The following MRPL9 variants were observed in gnomAD, a reference collection of about 807,000 sequenced individuals.
MRPL9 encodes mitochondrial ribosomal protein L9, also known as large ribosomal subunit protein bL9m.
Under a neutral mutation model 27.6 loss-of-function variants are expected in MRPL9, and 25 were observed. The ratio of observed to expected loss-of-function variants is 0.91; its 90% CI spans 0.66 to 1.27. The LOEUF is 1.27. Ranked by LOEUF, MRPL9 falls within the 50% of genes most tolerant of loss-of-function variation. MRPL9 has a pLI of 0.00. For missense variants in MRPL9, 362 were observed against 338.0 expected, an observed-to-expected ratio of 1.07 and a Z score of -0.56; for synonymous variants, 154 against 139.0, an observed-to-expected ratio of 1.11 and a Z score of -0.76.
In MRPL9 at chr1:151,760,921, A is replaced by AAAAAAAAT. The variant is rs1553276958; in HGVS notation, c.589-23_589-22insATTTTTTT. The AAAAAAAAT allele has an allele frequency of 1.3e-3, 2,045 of 1,540,050 alleles. 35 individuals are homozygous for AAAAAAAAT. In the African/African-American group the frequency reaches 0.028, roughly 21 times the overall value. On this transcript the variant is annotated intron_variant, in intron 5 of 6. Transcript: ENST00000368830. ...CAAGCTGCAAAAAAAAAAAAAAAAAAAAAAATCTCAGCTCAAATGAACTCT... is the reference window on the plus strand; with the variant it reads ...CAAGCTGCAAAAAAAAAAAAAAAAAAAAAAAAATAAAAATCTCAGCTCAAATGAACTCT...
In MRPL9 at chr1:151,763,151, C is replaced by A. The variant is rs556425084; in HGVS notation, c.154-5G>T. 3.1e-6 allele frequency: 5 copies of A among 1,611,900 alleles called. No homozygotes were observed. Among genetic ancestry groups the A allele is most frequent in the Admixed American group, 3.3e-5 (2 of 59,888 alleles). On this transcript the variant is annotated splice_region_variant and splice_polypyrimidine_tract_variant and intron_variant, in intron 1 of 6. Transcript: ENST00000368830. ...GCGCTCCACGATGACCGTGCCCTGG[C>A]GGCCAGGAAAGCGACGGTAAGCTAG...
chr1:151,761,975 C>T, intron 4 of MRPL9, 130 bp downstream of exon 4: 1 of 885,546 alleles, frequency 1.1e-6, no homozygotes. Flanking sequence ...TTTTGTGGGG[C>T]AGCCACAACA....
In MRPL9 at chr1:151,760,118, TG is replaced by T; in HGVS notation, c.735del (p.Arg247AspfsTer6). ...TGGGCTAACCAGTACTTATATCTTTTGGTCTTGGGCTTCTCAAAGTTCACGA... is the reference window on the plus strand; with the variant it reads ...TGGGCTAACCAGTACTTATATCTTTTGTCTTGGGCTTCTCAAAGTTCACGA... Reference protein sequence around the residue: ...MSVVNFEKPKTKRYKYWLAQQ... With the variant: ...MSVVNFEKPKXKRYKYWLAQQ... On this transcript the variant is annotated frameshift_variant, in exon 7 of 7. Coordinates refer to ENST00000368830, the MANE Select transcript of MRPL9 (RefSeq NM_031420.4). LOFTEE classifies it low-confidence loss of function (END_TRUNC). The T allele has an allele frequency of 6.2e-7, 1 of 1,614,202 alleles. No homozygotes were observed. Among genetic ancestry groups the T allele is most frequent in the Admixed American group, 1.7e-5 (1 of 60,024 alleles).
In MRPL9 at chr1:151,762,129, C is replaced by A. The variant is rs779948808; in HGVS notation, c.462G>T (p.Lys154Asn). 3.7e-6 allele frequency: 6 copies of A among 1,614,176 alleles called. No individual in the cohort carries two copies. Among genetic ancestry groups the A allele is most frequent in the African/African-American group, 2.7e-5 (2 of 75,038 alleles). The change falls in exon 4 of 7, where the codon AAG becomes AAT. Residue 154 changes from lysine to asparagine, a missense_variant. Coordinates refer to ENST00000368830, the MANE Select transcript of MRPL9 (RefSeq NM_031420.4). ...KLLRQEGKLEKIQTKAGEATV... is the reference protein window; with the variant it reads ...KLLRQEGKLENIQTKAGEATV... Reference sequence around the variant, plus strand: ...CCGCCTCACCTGCCTTGGTCTGGATCTTCTCTAATTTTCCTTCTTGTCTCA... The same window carrying A: ...CCGCCTCACCTGCCTTGGTCTGGATATTCTCTAATTTTCCTTCTTGTCTCA...
At chr1:151,760,921 A>AAAAAAAAAAAAAAAAAAAT in intron 5 of MRPL9, 22 bp from the exon 6 acceptor site, 1 of 1,540,778 alleles carries the variant, frequency 6.5e-7, no homozygotes, top group African/African-American at 1.5e-5. Context: ...AAAAAAAAAA[A>AAAAAAAAAAAAAAAAAAAT]AAAAATCTCA....
intron 1 of MRPL9, 31 bp from the exon 2 acceptor site, chr1:151,763,177 T>C (rs1384738373): frequency 1.9e-6 from 3 of 1,608,524 alleles, no homozygotes; most frequent in Admixed American, 3.4e-5. Flanking sequence ...GGTAAGCTAG[T>C]CTCCACAAGG....
At position 151,760,150 on chromosome 1, in the gene MRPL9, A is replaced by T; in HGVS notation, c.704T>A (p.Met235Lys). 6.2e-7 allele frequency: 1 copy of T among 1,614,186 alleles called. No homozygotes were observed. Among genetic ancestry groups the T allele is most frequent in the Non-Finnish European group, 8.5e-7 (1 of 1,180,018 alleles). The change falls in exon 7 of 7, where the codon ATG (methionine) becomes AAG (lysine). Residue 235 changes from methionine (M) to lysine (K), a missense_variant. Coordinates refer to ENST00000368830, the MANE Select transcript of MRPL9 (RefSeq NM_031420.4). ...VNGLDTVRVP[M>K]SVVNFEKPKT... ...GGGCTTCTCAAAGTTCACGACAGACATAGGCACTCTCACAGTATCAAGCCC... is the reference window on the plus strand; with the variant it reads ...GGGCTTCTCAAAGTTCACGACAGACTTAGGCACTCTCACAGTATCAAGCCC...
Position 151,760,916 on chromosome 1 carries a change from A to ATAAAAT in MRPL9, c.589-18_589-17insATTTTA, listed in dbSNP as rs1553276940. On this transcript the variant is annotated splice_polypyrimidine_tract_variant and intron_variant, in intron 5 of 6. Coordinates refer to ENST00000368830, the MANE Select transcript of MRPL9 (RefSeq NM_031420.4). ...AACACCAAGCTGCAAAAAAAAAAAA[A>ATAAAAT]AAAAAAAAAATCTCAGCTCAAATGA... 6 of 1,551,204 alleles carry ATAAAAT rather than the reference A, an allele frequency of 3.9e-6. No individual in the cohort carries two copies. The African/African-American group carries it at 8.6e-5, about 22-fold the overall frequency.
Position 151,762,221 on chromosome 1 carries a change from A to G in MRPL9, c.436-66T>C, listed in dbSNP as rs928660655. Reference sequence around the variant, plus strand: ...ATGAGCCCATGTTAAATAGCATCAAACTATTCCTATGTTGGACATTGGCTG... The same window carrying G: ...ATGAGCCCATGTTAAATAGCATCAAGCTATTCCTATGTTGGACATTGGCTG... On this transcript the variant is annotated intron_variant, in intron 3 of 6. Coordinates refer to ENST00000368830, the MANE Select transcript of MRPL9 (RefSeq NM_031420.4). The G allele has an allele frequency of 1.5e-5, 24 of 1,578,542 alleles. No homozygotes were observed. The African/African-American group carries it at 3.1e-4, about 20-fold the overall frequency.
At position 151,759,846 on chromosome 1, in the gene MRPL9, G is replaced by T. The variant is rs1316711576; in HGVS notation, c.*204C>A. The T allele has an allele frequency of 3.3e-6, 2 of 601,786 alleles. No individual in the cohort carries two copies. Among genetic ancestry groups the T allele is most frequent in the Non-Finnish European group, 5.3e-6 (2 of 377,156 alleles). The allele number at this position is 601,786 out of a possible 1,614,324, so 37.3% of individuals were successfully genotyped here. ...ATCAAATCTACAGCCTGGTACTTCT[G>T]GAACAGGACTTCCCTGCCCCAGTGA... On this transcript the variant is annotated 3_prime_UTR_variant, in exon 7 of 7. Transcript: ENST00000368830.
Position 151,759,825 on chromosome 1 carries a change from A to G in MRPL9, c.*225T>C. 1 of 515,916 alleles carries G rather than the reference A, an allele frequency of 1.9e-6. No homozygotes were observed. The allele number at this position is 515,916 out of a possible 1,614,324, so 32.0% of individuals were successfully genotyped here. A position where few individuals can be genotyped will look rare whatever the true frequency, so the allele number is the denominator to read the frequency against. On this transcript the variant is annotated 3_prime_UTR_variant, in exon 7 of 7. Coordinates refer to ENST00000368830, the MANE Select transcript of MRPL9 (RefSeq NM_031420.4). Reference sequence around the variant, plus strand: ...TCGGTCTACTGCATCTAGCTTATCAAATCTACAGCCTGGTACTTCTGGAAC... The same window carrying G: ...TCGGTCTACTGCATCTAGCTTATCAGATCTACAGCCTGGTACTTCTGGAAC...
intron 6 of MRPL9, among the ~76,000 whole-genome samples, chr1:151,760,422 C>T (rs1186185468): frequency 6.6e-6 from 1 of 151,464 alleles, no homozygotes; most frequent in East Asian, 1.9e-4. Flanking sequence ...TACTAAAATA[C>T]AAAAATTAGC....
chr1:151,760,142 C>T lies in MRPL9; in HGVS notation c.712G>A (p.Val238Met), dbSNP rs146264718. 4.5e-5 allele frequency: 73 copies of T among 1,613,970 alleles called. No individual in the cohort carries two copies. Among genetic ancestry groups the T allele is most frequent in the African/African-American group, 4.3e-4 (32 of 74,892 alleles). The part of the protein sequence containing the change: ...LDTVRVPMSV[V>M]NFEKPKTKRY... ...TTGGTCTTGGGCTTCTCAAAGTTCA[C>T]GACAGACATAGGCACTCTCACAGTA... Residue 238 changes from valine (V) to methionine (M), a missense_variant, in exon 7 of 7, where the codon GTG becomes ATG. Val to Met is a conservative substitution (Grantham distance 21). Coordinates refer to ENST00000368830, the MANE Select transcript of MRPL9 (RefSeq NM_031420.4).
chr1:151,763,377 C>T lies in MRPL9; in HGVS notation c.103G>A (p.Glu35Lys). 6.4e-7 allele frequency: 1 copy of T among 1,571,108 alleles called. No homozygotes were observed. Among genetic ancestry groups the T allele is most frequent in the Non-Finnish European group, 8.6e-7 (1 of 1,157,030 alleles). The change falls in exon 1 of 7, where the codon GAA becomes AAA. Residue 35 changes from glutamate to lysine, a missense_variant. Coordinates refer to ENST00000368830, the MANE Select transcript of MRPL9 (RefSeq NM_031420.4). ...GVQELLRPRH[E>K]GNAPDLACNF... ...CAGGCCAGGTCAGGGGCGTTCCCTT[C>T]ATGTCGCGGCCGCAGTAGCTCCTGG...
At chr1:151,760,576 C>CA (rs11454049) in intron 6 of MRPL9, among the ~76,000 whole-genome samples, 9,806 of 50,086 alleles carry the variant, frequency 0.2, 1,508 homozygotes, top group East Asian at 0.46. Context: ...GACTCCAGCT[C>CA]AAAAAAAAAA....
In MRPL9 at chr1:151,760,903, C is replaced by CAAAAAAAAA. The variant is rs755031728; in HGVS notation, c.589-13_589-5dup. 164 of 953,788 alleles carry CAAAAAAAAA rather than the reference C, an allele frequency of 1.7e-4. No individual in the cohort carries two copies. Among genetic ancestry groups the CAAAAAAAAA allele is most frequent in the African/African-American group, 8.6e-4 (31 of 35,856 alleles). The allele number at this position is 953,788 out of a possible 1,614,324, so 59.1% of individuals were successfully genotyped here. On this transcript the variant is annotated splice_polypyrimidine_tract_variant and splice_region_variant and intron_variant, in intron 5 of 6. Coordinates refer to ENST00000368830, the MANE Select transcript of MRPL9 (RefSeq NM_031420.4). ...GTGGGGCAACCACAACACCAAGCTG[C>CAAAAAAAAA]AAAAAAAAAAAAAAAAAAAAAAATC...
intron 6 of MRPL9, among the ~76,000 whole-genome samples, chr1:151,760,576 C>CAAAAAAAA (rs11454049): frequency 2.0e-5 from 1 of 50,342 alleles, no homozygotes; most frequent in Non-Finnish European, 3.3e-5. Context: ...GACTCCAGCT[C>CAAAAAAAA]AAAAAAAAAA....
rs1412702897 is a variant in MRPL9, at chr1:151,762,479, A to C, written c.332T>G (p.Leu111Arg). 6.2e-7 allele frequency: 1 copy of C among 1,613,994 alleles called. No homozygotes were observed. Among genetic ancestry groups the C allele is most frequent in the African/African-American group, 1.3e-5 (1 of 74,918 alleles). The part of the protein sequence containing the change: ...SVENVGVRGD[L>R]VSVKKSLGRN... ...GCCTAAAGATTTCTTCACTGAGACC[A>C]GGTCACCCCGGACTCCAACATCTGT... Residue 111 changes from leucine (L) to arginine (R), a missense_variant, in exon 3 of 7, where the codon CTG becomes CGG. Leu to Arg is a moderately radical substitution (Grantham distance 102, BLOSUM62 -2). Coordinates refer to ENST00000368830, the MANE Select transcript of MRPL9 (RefSeq NM_031420.4).
intron 3 of MRPL9, 41 bp downstream of exon 3, chr1:151,762,335 T>C: frequency 6.2e-7 from 1 of 1,611,678 alleles, no homozygotes; most frequent in Non-Finnish European, 8.5e-7. Context: ...AGAAAAGAAG[T>C]TTTATCTCCC....
Sources: gnomAD v4.1 joint callset for allele counts (sites outside exome capture counted in the v4.1 genomes callset) on GRCh38, gnomAD v4.1.1 for gene constraint, MANE v1.5 for transcripts, NCBI Gene and HGNC (gene_info 2026-07-23, HGNC 2026-07-21) for gene names.